Variants in CRTC3 observed in about 807,000 individuals in gnomAD.
CRTC3 encodes the protein CREB regulated transcription coactivator 3.
Under a neutral mutation model 74.5 loss-of-function variants are expected in CRTC3, and 26 were observed. The ratio of observed to expected loss-of-function variants is 0.35; its 90% CI spans 0.26 to 0.48. The LOEUF is 0.48. Ranked by LOEUF, CRTC3 falls within the 20% of genes least tolerant of loss-of-function variation. CRTC3 has a pLI of 0.99. For missense variants in CRTC3, 760 were observed against 787.3 expected, an observed-to-expected ratio of 0.97 and a Z score of 0.41; for synonymous variants, 377 against 325.8, an observed-to-expected ratio of 1.16 and a Z score of -1.69.
chr15:90,549,115 T>G (rs1488228816), intron 2 of CRTC3, among the ~76,000 whole-genome samples: 1 of 152,236 alleles, frequency 6.6e-6, no homozygotes, highest in Non-Finnish European at 1.5e-5. Flanking sequence ...ACTATAAATA[T>G]TTTTTAACAA....
At chr15:90,546,512 T>C (rs906708737) in intron 2 of CRTC3, among the ~76,000 whole-genome samples, 1 of 152,250 alleles carries the variant, frequency 6.6e-6, no homozygotes, top group African/African-American at 2.4e-5. Flanking sequence ...AATTAGGTAA[T>C]GAGAGTCGTC....
At chr15:90,576,949 A>G (rs1015777053) in intron 2 of CRTC3, among the ~76,000 whole-genome samples, 1 of 152,194 alleles carries the variant, frequency 6.6e-6, no homozygotes, top group Admixed American at 6.5e-5. Flanking sequence ...GAGGAGGAAT[A>G]GGATGATGCA....
intron 6 of CRTC3, chr15:90,614,234 T>G (rs1247114134): frequency 6.2e-6 from 3 of 483,902 alleles, no homozygotes; most frequent in Non-Finnish European, 1.1e-5. Flanking sequence ...CAGACAATTT[T>G]AAAGGAAAAG....
In CRTC3 at chr15:90,641,078, T is replaced by G; in HGVS notation, c.1549-19T>G. On this transcript the variant is annotated intron_variant, in intron 13 of 14. Coordinates refer to ENST00000268184, the MANE Select transcript of CRTC3 (RefSeq NM_022769.5). Reference sequence around the variant, plus strand: ...AAACAGAGGTGTGGCCTTCCTCACATGACCTTCGATGCTTCCAGGTGCCTC... The same window carrying G: ...AAACAGAGGTGTGGCCTTCCTCACAGGACCTTCGATGCTTCCAGGTGCCTC... 6.4e-7 allele frequency: 1 copy of G among 1,560,372 alleles called. No individual in the cohort carries two copies.
chr15:90,631,743 T>TAAAAA (rs1567194306), intron 11 of CRTC3, among the ~76,000 whole-genome samples: 1 of 129,506 alleles, frequency 7.7e-6, no homozygotes, highest in Non-Finnish European at 1.6e-5. Context: ...AAAAAAAAAT[T>TAAAAA]AGAATTAAAA....
intron 11 of CRTC3, among the ~76,000 whole-genome samples, chr15:90,631,722 G>A (rs1395068263): frequency 1.6e-5 from 2 of 128,682 alleles, no homozygotes; most frequent in Non-Finnish European, 3.2e-5. Context: ...GAGTTACTCT[G>A]TCTCAAAAAA....
rs1032522083 is a variant in CRTC3 at position 90,642,489 on chromosome 15, T to A, written c.*349T>A. The A allele has an allele frequency of 9.7e-6, 4 of 411,902 alleles. No individual in the cohort carries two copies. The highest frequency in any genetic ancestry group is 6.0e-5 in the African/African-American group (3 of 50,400). The allele number at this position is 411,902 out of a possible 1,614,324, so 25.5% of individuals were successfully genotyped here. A position where few individuals can be genotyped will look rare whatever the true frequency, so the allele number is the denominator to read the frequency against. On this transcript the variant is annotated 3_prime_UTR_variant, in exon 15 of 15. Coordinates refer to ENST00000268184, the MANE Select transcript of CRTC3 (RefSeq NM_022769.5). ...TGTGTCACTGGAGGCCTCCGTAGCA[T>A]TGTGTAGTGTGCTCAGAACCACTGA...
intron 2 of CRTC3, among the ~76,000 whole-genome samples, chr15:90,578,508 C>T (rs781459618): frequency 7.3e-5 from 11 of 151,518 alleles, no homozygotes; most frequent in African/African-American, 2.2e-4. Context: ...AAGCTGAGAT[C>T]GCAACATTGC....
intron 3 of CRTC3, chr15:90,595,037 G>A (rs1447584996): frequency 5.3e-5 from 8 of 152,200 alleles, no homozygotes; most frequent in Admixed American, 3.3e-4. Context: ...CAGAAGGACT[G>A]ACTTCTGATT....
intron 13 of CRTC3, among the ~76,000 whole-genome samples, chr15:90,640,337 G>A (rs948186116): frequency 1.3e-5 from 2 of 152,084 alleles, no homozygotes; most frequent in South Asian, 2.1e-4. Flanking sequence ...GCTTGCCTGA[G>A]TTTCCTCCTT....
At chr15:90,569,300 G>A (rs1967201907) in intron 2 of CRTC3, among the ~76,000 whole-genome samples, 1 of 141,376 alleles carries the variant, frequency 7.1e-6, no homozygotes, top group Non-Finnish European at 1.5e-5. Context: ...CACCATACAT[G>A]GCCTGTAAAC....
intron 3 of CRTC3, 189 bp downstream of exon 3, chr15:90,593,944 G>A: frequency 2.0e-6 from 1 of 511,030 alleles, no homozygotes; most frequent in Non-Finnish European, 3.3e-6. Context: ...ATCATTGTAG[G>A]TGTTTATGAA....
At chr15:90,573,663 A>T (rs1967330875) in intron 2 of CRTC3, among the ~76,000 whole-genome samples, 1 of 151,620 alleles carries the variant, frequency 6.6e-6, no homozygotes, top group Non-Finnish European at 1.5e-5. Context: ...ATGGCTACCT[A>T]TTCCTCTGTC....
At position 90,566,708 on chromosome 15, in the gene CRTC3, C is replaced by T. The variant is rs140392806; in HGVS notation, c.231+26571C>T. On this transcript the variant is annotated intron_variant, in intron 2 of 14. Coordinates refer to ENST00000268184, the MANE Select transcript of CRTC3 (RefSeq NM_022769.5). ...ACTCAGCCACAGATTTTCTTTCCTC[C>T]TTTCTTTTTTTTTTTTTTTTGAGAC... Among the ~76,000 whole-genome samples, 834 of 122,550 alleles carry T rather than the reference C, an allele frequency of 6.8e-3. 5 individuals are homozygous for T. The highest frequency in any genetic ancestry group is 0.021 in the African/African-American group (752 of 35,516). The allele number at this position is 122,550 out of a possible 152,430, so 80.4% of individuals were successfully genotyped here. A position where few individuals can be genotyped will look rare whatever the true frequency, so the allele number is the denominator to read the frequency against.
chr15:90,589,542 G>C (rs1967749997), intron 2 of CRTC3, among the ~76,000 whole-genome samples: 1 of 152,074 alleles, frequency 6.6e-6, no homozygotes. Context: ...AATTTTTGTA[G>C]AGACAGGGTC....
chr15:90,598,497 CGAG>C lies in CRTC3; in HGVS notation c.352-3821_352-3819del, dbSNP rs1248113506. 8.5e-6 allele frequency: 6 copies of C among 702,674 alleles called. No homozygotes were observed. The African/African-American group carries it at 1.0e-4, about 12-fold the overall frequency. The allele number at this position is 702,674 out of a possible 1,614,324, so 43.5% of individuals were successfully genotyped here. On this transcript the variant is annotated intron_variant, in intron 3 of 14. Coordinates refer to ENST00000268184, the MANE Select transcript of CRTC3 (RefSeq NM_022769.5). ...GTGTTGATGGATTGAGGCAGTAACT[CGAG>C]GAGGAAGATTTTCCTGCACAGAACT...
chr15:90,635,474 G>A lies in CRTC3; in HGVS notation c.1267-2972G>A, dbSNP rs140678618. Among the ~76,000 whole-genome samples the A allele has an allele frequency of 5.1e-3, 771 of 152,208 alleles. 3 individuals carry two copies. The highest frequency in any genetic ancestry group is 0.012 in the African/African-American group (517 of 41,542). Reference sequence around the variant, plus strand: ...AGCCTGGCCAACATGGTGAAACCCCGTCTCTACTAAAAATACAAAAATTAG... The same window carrying A: ...AGCCTGGCCAACATGGTGAAACCCCATCTCTACTAAAAATACAAAAATTAG... On this transcript the variant is annotated intron_variant, in intron 11 of 14. Transcript: ENST00000268184.
At chr15:90,616,273 A>G (rs28507807) in intron 7 of CRTC3, among the ~76,000 whole-genome samples, 1,968 of 152,274 alleles carry the variant, frequency 0.013, 49 homozygotes, top group African/African-American at 0.045. Context: ...GTGGTACTGG[A>G]CAGGTTGCCT....
chr15:90,546,147 T>C (rs891522771), intron 2 of CRTC3, among the ~76,000 whole-genome samples: 8 of 152,202 alleles, frequency 5.3e-5, no homozygotes, highest in Non-Finnish European at 1.5e-5. Flanking sequence ...AGGTTTTTTT[T>C]CTATGTGTTT....
Sources: allele counts gnomAD v4.1 joint callset (sites outside exome capture counted in the v4.1 genomes callset), GRCh38; gene constraint gnomAD v4.1.1; transcripts MANE v1.5; gene names NCBI Gene and HGNC (gene_info 2026-07-23, HGNC 2026-07-21).